PTK2: variants seen among roughly 807,000 people sequenced by gnomAD.
PTK2 encodes the protein focal adhesion kinase 1.
Under a neutral mutation model 150.1 loss-of-function variants are expected in PTK2, and 45 were observed. That is an observed-to-expected ratio of 0.30 (90% CI 0.24 to 0.38). PTK2 has a LOEUF of 0.38. PTK2 is among the 10% of genes least tolerant of loss of function. The pLI is 1.00. For missense variants in PTK2, 919 were observed against 1,307.3 expected, an observed-to-expected ratio of 0.70 and a Z score of 4.58; for synonymous variants, 432 against 449.2, an observed-to-expected ratio of 0.96 and a Z score of 0.48.
At chr8:140,896,094 A>G (rs2100156116) in intron 2 of PTK2, among the ~76,000 whole-genome samples, 1 of 152,240 alleles carries the variant, frequency 6.6e-6, no homozygotes, top group South Asian at 2.1e-4. Context: ...AATGAATTTG[A>G]AAATTTAGAT....
intron 7 of PTK2, among the ~76,000 whole-genome samples, chr8:140,835,601 C>T (rs2100118248): frequency 6.6e-6 from 1 of 152,162 alleles, no homozygotes; most frequent in Non-Finnish European, 1.5e-5. Flanking sequence ...CCCCTTCATC[C>T]TGGGGATGAA....
intron 5 of PTK2, among the ~76,000 whole-genome samples, chr8:140,863,261 T>G (rs1473603703): frequency 6.6e-6 from 1 of 152,202 alleles, no homozygotes; most frequent in East Asian, 1.9e-4. Context: ...TATAATATAC[T>G]TTCACTTTTA....
chr8:140,739,006 A>G lies in PTK2; in HGVS notation c.1825+12T>C. On this transcript the variant is annotated intron_variant, in intron 21 of 31. Coordinates refer to ENST00000522684, the Ensembl canonical transcript of PTK2. ...AATTTTTAAAGAATACAAAACTTTT[A>G]AGAGTACTCACCAAACATCCATACG... is the stretch of plus-strand genomic sequence containing the variant. 6.7e-7 allele frequency: 1 copy of G among 1,489,776 alleles called. No homozygotes were observed. The highest frequency in any genetic ancestry group is 9.0e-7 in the Non-Finnish European group (1 of 1,109,758). 92.3% of individuals were successfully genotyped at this position (1,489,776 alleles called of 1,614,324 possible).
At chr8:140,960,356 T>A (rs893919849) in intron 1 of PTK2, among the ~76,000 whole-genome samples, 2 of 151,996 alleles carry the variant, frequency 1.3e-5, no homozygotes, top group African/African-American at 4.8e-5. Context: ...ATTACAGGCA[T>A]GCACCACCAC....
At chr8:140,715,935 T>C (rs2154252650) in intron 23 of PTK2, among the ~76,000 whole-genome samples, 1 of 152,274 alleles carries the variant, frequency 6.6e-6, no homozygotes, top group South Asian at 2.1e-4. Context: ...TCCAACAGAT[T>C]GGGATATAGA....
intron 2 of PTK2, among the ~76,000 whole-genome samples, chr8:140,897,881 T>C (rs1014985273): frequency 1.3e-5 from 2 of 152,242 alleles, no homozygotes; most frequent in African/African-American, 4.8e-5. Flanking sequence ...TTTGTTATTG[T>C]AGCCCTTCTG....
chr8:140,709,626 T>C (rs572872405), intron 23 of PTK2, among the ~76,000 whole-genome samples: 34 of 152,296 alleles, frequency 2.2e-4, no homozygotes, highest in South Asian at 6.2e-4. Context: ...GGAGCTGCCG[T>C]GAAGATTAAA....
intron 1 of PTK2, among the ~76,000 whole-genome samples, chr8:140,999,361 C>CT (rs1302999919): frequency 6.6e-6 from 1 of 152,186 alleles, no homozygotes. Flanking sequence ...ACCTGAAATT[C>CT]TTTAAAGGAA....
intron 17 of PTK2, among the ~76,000 whole-genome samples, chr8:140,751,368 G>T (rs2100062556): frequency 6.6e-6 from 1 of 152,150 alleles, no homozygotes; most frequent in Non-Finnish European, 1.5e-5. Context: ...TCATAGAGAC[G>T]GGGTTTCACC....
At chr8:140,793,566 A>G (rs576740835) in intron 12 of PTK2, among the ~76,000 whole-genome samples, 182 bp from the exon 13 acceptor site, 68 of 152,360 alleles carry the variant, frequency 4.5e-4, no homozygotes, top group Non-Finnish European at 1.6e-4. Flanking sequence ...TATAACAAAC[A>G]TAAACTGAGT....
chr8:140,818,775 A>C (rs2100106293), intron 9 of PTK2, 105 bp downstream of exon 9: 1 of 1,232,562 alleles, frequency 8.1e-7, no homozygotes, highest in African/African-American at 1.6e-5. Context: ...TATTGAAAAA[A>C]ATGGGACAAG....
intron 7 of PTK2, among the ~76,000 whole-genome samples, chr8:140,840,154 G>A (rs1254276006): frequency 6.6e-6 from 1 of 152,176 alleles, no homozygotes; most frequent in Non-Finnish European, 1.5e-5. Context: ...AACAAGCTGG[G>A]CTCAAGCAAT....
intron 1 of PTK2, among the ~76,000 whole-genome samples, chr8:140,968,087 TC>T (rs1473793085): frequency 6.6e-6 from 1 of 152,214 alleles, no homozygotes; most frequent in African/African-American, 2.4e-5. Context: ...GAATACTGTG[TC>T]TCATTCACTA....
chr8:140,877,025 CTTTTTTTT>C (rs60000363), intron 4 of PTK2, among the ~76,000 whole-genome samples: 4 of 71,878 alleles, frequency 5.6e-5, no homozygotes, highest in Admixed American at 2.0e-4. Context: ...TTCACTAATC[CTTTTTTTT>C]TTTTTTTTTT....
chr8:140,880,094 A>AT (rs1390543376), intron 3 of PTK2, among the ~76,000 whole-genome samples: 2 of 152,152 alleles, frequency 1.3e-5, no homozygotes, highest in African/African-American at 4.8e-5. Context: ...ATTCATAATC[A>AT]TTTTTTTAAA....
intron 2 of PTK2, among the ~76,000 whole-genome samples, chr8:140,898,584 A>G (rs1446870785): frequency 6.6e-6 from 1 of 152,224 alleles, no homozygotes; most frequent in Non-Finnish European, 1.5e-5. Flanking sequence ...AAAAAGTGTT[A>G]CTAACCTCTG....
intron 14 of PTK2, among the ~76,000 whole-genome samples, chr8:140,782,973 T>A (rs2100082730): frequency 6.6e-6 from 1 of 152,150 alleles, no homozygotes; most frequent in Non-Finnish European, 1.5e-5. Flanking sequence ...GTGCAGTGGC[T>A]CACACCTGTA....
chr8:140,702,460 C>A (rs1363706589), intron 25 of PTK2, 110 bp downstream of exon 28: 54 of 1,340,942 alleles, frequency 4.0e-5, no homozygotes, highest in Middle Eastern at 1.9e-4. Flanking sequence ...CTCAAGCAAT[C>A]CTCCTACTTC....
intron 23 of PTK2, among the ~76,000 whole-genome samples, chr8:140,710,329 CAAA>C (rs71308985): frequency 0.011 from 1,246 of 111,548 alleles, 18 homozygotes; most frequent in African/African-American, 0.034. Flanking sequence ...GACCTTGTCT[CAAA>C]AAAAAAAAAA....
Sources: gnomAD v4.1 joint callset for allele counts (sites outside exome capture counted in the v4.1 genomes callset) on GRCh38, gnomAD v4.1.1 for gene constraint, MANE v1.5 for transcripts, NCBI Gene and HGNC (gene_info 2026-07-23, HGNC 2026-07-21) for gene names.